Variants in TUT4 observed in about 807,000 individuals in gnomAD.
The protein encoded by TUT4 is terminal uridylyl transferase 4.
Under a neutral mutation model 192.2 loss-of-function variants are expected in TUT4, and 36 were observed. The observed-to-expected ratio is 0.19, with a 90% CI of 0.14 to 0.25. The LOEUF is 0.25. TUT4 is among the 10% of genes least tolerant of loss of function. The pLI is 1.00. For missense variants in TUT4, 1,493 were observed against 1,957.2 expected, an observed-to-expected ratio of 0.76 and a Z score of 4.47; for synonymous variants, 618 against 666.0, an observed-to-expected ratio of 0.93 and a Z score of 1.11.
chr1:52,525,433 G>T, intron 2 of TUT4, 130 bp downstream of exon 2: 1 of 1,173,886 alleles, frequency 8.5e-7, no homozygotes, highest in Non-Finnish European at 1.2e-6. Context: ...TATTAATGTG[G>T]ATGTTTTCAT....
chr1:52,527,323 G>A (rs777576858), intron 1 of TUT4, among the ~76,000 whole-genome samples: 16 of 152,086 alleles, frequency 1.1e-4, no homozygotes, highest in African/African-American at 1.4e-4. Context: ...CAAGGCGGGC[G>A]GATCACGAGG....
chr1:52,463,176 T>C (rs1663100177), intron 16 of TUT4: 8 of 982,418 alleles, frequency 8.1e-6, no homozygotes, highest in African/African-American at 1.7e-5. Context: ...ATATATAATA[T>C]ACAAACCCTT....
chr1:52,473,861 G>T lies in TUT4; in HGVS notation c.2727+971C>A, dbSNP rs555232870. Among the ~76,000 whole-genome samples the T allele has an allele frequency of 4.3e-4, 66 of 152,228 alleles. 1 individual carries two copies. The South Asian group carries it at 0.013, about 31-fold the overall frequency. On this transcript the variant is annotated intron_variant, in intron 13 of 29. Transcript: ENST00000257177. ...ACAAAGCAGTTATCGCTTACTTCCT[G>T]TTCAATGGGTTTTTTCCTATGATTT...
intron 3 of TUT4, among the ~76,000 whole-genome samples, chr1:52,510,258 C>T (rs1676751478): frequency 7.0e-6 from 1 of 142,380 alleles, no homozygotes; most frequent in African/African-American, 2.7e-5. Context: ...TTTGCAGCAG[C>T]GAGCCGAGAT....
At chr1:52,546,006 G>C (rs965859191) in intron 1 of TUT4, among the ~76,000 whole-genome samples, 1 of 149,898 alleles carries the variant, frequency 6.7e-6, no homozygotes, top group Non-Finnish European at 1.5e-5. Context: ...AGGTGTGGTC[G>C]CAAGCGCCCA....
chr1:52,428,624 TAA>T (rs772389695), intron 28 of TUT4, among the ~76,000 whole-genome samples: 58 of 72,886 alleles, frequency 8.0e-4, no homozygotes, highest in African/African-American at 1.7e-3. Flanking sequence ...AGACTCCCTC[TAA>T]AAAAAAAAAA....
intron 20 of TUT4, among the ~76,000 whole-genome samples, chr1:52,455,096 C>G (rs1471840112): frequency 1.3e-5 from 2 of 152,036 alleles, no homozygotes; most frequent in East Asian, 3.9e-4. Flanking sequence ...CCAACCTGGG[C>G]AACATGGAGA....
At chr1:52,464,911 A>G (rs1663693203) in intron 16 of TUT4, 159 bp downstream of exon 16, 1 of 497,222 alleles carries the variant, frequency 2.0e-6, no homozygotes, top group African/African-American at 2.0e-5. Context: ...TGTCTTCTAA[A>G]CTGAAAATGC....
chr1:52,533,895 G>A (rs1684171327), intron 1 of TUT4, among the ~76,000 whole-genome samples: 1 of 152,208 alleles, frequency 6.6e-6, no homozygotes, highest in South Asian at 2.1e-4. Flanking sequence ...GAACCTGGGA[G>A]GCGGAGATTG....
Position 52,525,605 on chromosome 1 carries a change from C to T in TUT4, c.676G>A (p.Asp226Asn). Residue 226 changes from aspartate (D) to asparagine (N), a missense_variant, in exon 2 of 30, where the codon GAT (aspartate) becomes AAT (asparagine). Asp to Asn is a conservative substitution (Grantham distance 23). This residue lies in a region of TUT4 where 437 missense variants were observed against 577.6 expected (regional missense o/e 0.76). Transcript: ENST00000257177. Reference sequence around the variant, plus strand: ...TCTTCAATTCCTGAAGCACTATCATCAGAATCACCAGTATTATCTGTACAT... The same window carrying T: ...TCTTCAATTCCTGAAGCACTATCATTAGAATCACCAGTATTATCTGTACAT... ...QTCTDNTGDS[D>N]DSASGIEDVS... 6.2e-7 allele frequency: 1 copy of T among 1,612,452 alleles called. No individual in the cohort carries two copies. Among genetic ancestry groups the T allele is most frequent in the Non-Finnish European group, 8.5e-7 (1 of 1,179,514 alleles).
intron 4 of TUT4, among the ~76,000 whole-genome samples, chr1:52,498,076 G>A (rs1438656580): frequency 6.6e-6 from 1 of 151,978 alleles, no homozygotes; most frequent in African/African-American, 2.4e-5. Flanking sequence ...TTCACTAACT[G>A]TTACCATATT....
chr1:52,448,166 G>A, intron 20 of TUT4, among the ~76,000 whole-genome samples: 1 of 152,164 alleles, frequency 6.6e-6, no homozygotes, highest in East Asian at 1.9e-4. Context: ...ATGTAAGTAT[G>A]TTACACAGAA....
chr1:52,506,109 C>T (rs958764828), intron 4 of TUT4, among the ~76,000 whole-genome samples: 12 of 152,150 alleles, frequency 7.9e-5, no homozygotes, highest in Admixed American at 3.3e-4. Context: ...TGAGCTACTG[C>T]GCCTGGCCAA....
intron 3 of TUT4, among the ~76,000 whole-genome samples, chr1:52,512,951 A>T (rs1677616927): frequency 1.3e-5 from 2 of 152,016 alleles, no homozygotes; most frequent in Admixed American, 1.3e-4. Context: ...AAATTTGATA[A>T]AGAAAAATGT....
chr1:52,534,058 A>C (rs1684234608), intron 1 of TUT4, among the ~76,000 whole-genome samples: 1 of 152,252 alleles, frequency 6.6e-6, no homozygotes, highest in Non-Finnish European at 1.5e-5. Flanking sequence ...CCGTTATCAT[A>C]ACATCCCTGA....
intron 9 of TUT4, among the ~76,000 whole-genome samples, chr1:52,486,732 AAT>A (rs1380321188): frequency 6.6e-6 from 1 of 152,208 alleles, no homozygotes; most frequent in East Asian, 1.9e-4. Context: ...CCAGTTTTGT[AAT>A]ATATGTTTCA....
intron 20 of TUT4, among the ~76,000 whole-genome samples, chr1:52,453,874 C>T (rs1166057584): frequency 6.6e-6 from 1 of 152,164 alleles, no homozygotes; most frequent in Non-Finnish European, 1.5e-5. Flanking sequence ...TAAGCAATTA[C>T]AGCAAGTTTA....
intron 2 of TUT4, among the ~76,000 whole-genome samples, chr1:52,517,298 A>G (rs1184750716): frequency 6.6e-6 from 1 of 152,232 alleles, no homozygotes; most frequent in Non-Finnish European, 1.5e-5. Flanking sequence ...TTTTAATACA[A>G]TGCCTAGATC....
At chr1:52,510,247 G>A (rs1032821204) in intron 3 of TUT4, among the ~76,000 whole-genome samples, 9 of 143,072 alleles carry the variant, frequency 6.3e-5, no homozygotes, top group African/African-American at 2.4e-4. Context: ...AGAAGGCAGA[G>A]TTTGCAGCAG....
Sources: gnomAD v4.1 joint callset for allele counts (sites outside exome capture counted in the v4.1 genomes callset) on GRCh38, gnomAD v4.1.1 for gene constraint, gnomAD v4.1.1 regional missense constraint, MANE v1.5 for transcripts, NCBI Gene and HGNC (gene_info 2026-07-23, HGNC 2026-07-21) for gene names.